KIF16B: variants seen among roughly 807,000 people sequenced by gnomAD.
KIF16B encodes the protein kinesin-like protein KIF16B.
Under a neutral mutation model 156.3 loss-of-function variants are expected in KIF16B, and 98 were observed. The observed-to-expected ratio is 0.63, with a 90% CI of 0.53 to 0.74. The LOEUF (loss-of-function observed/expected upper bound fraction) is 0.74, where lower values mean the gene tolerates loss of function less well. KIF16B is among the 30% of genes least tolerant of loss of function. The pLI is 0.00. For synonymous variants in KIF16B, 564 were observed against 583.7 expected (o/e 0.97, Z 0.49); for missense variants, 1,421 against 1,606.5 (o/e 0.88, Z 1.97).
At chr20:16,274,400 A>G (rs1402824752) in intron 25 of KIF16B, among the ~76,000 whole-genome samples, 1 of 152,244 alleles carries the variant, frequency 6.6e-6, no homozygotes, top group Non-Finnish European at 1.5e-5. Context: ...AACTGGGGAT[A>G]AAATCAGATG....
intron 18 of KIF16B, among the ~76,000 whole-genome samples, chr20:16,381,195 C>T (rs193259031): frequency 2.0e-5 from 3 of 152,224 alleles, no homozygotes; most frequent in East Asian, 1.9e-4. Context: ...TCTCCCTCCA[C>T]CCTGCCCCCC....
intron 12 of KIF16B, among the ~76,000 whole-genome samples, chr20:16,457,518 G>A (rs1048403913): frequency 3.9e-5 from 6 of 152,184 alleles, no homozygotes; most frequent in Admixed American, 6.5e-5. Context: ...AGGGGTGTGA[G>A]GCGGGTCCTG....
intron 12 of KIF16B, among the ~76,000 whole-genome samples, chr20:16,442,348 G>GTATA (rs60693181): frequency 3.5e-4 from 52 of 149,660 alleles, no homozygotes; most frequent in African/African-American, 1.1e-3. Context: ...GTGTGTGTGT[G>GTATA]TATATATATA....
intron 13 of KIF16B, among the ~76,000 whole-genome samples, chr20:16,429,394 G>A (rs1010014764): frequency 6.6e-6 from 1 of 152,138 alleles, no homozygotes; most frequent in African/African-American, 2.4e-5. Flanking sequence ...CAGAGAGAGG[G>A]CACTAAAGTC....
intron 25 of KIF16B, among the ~76,000 whole-genome samples, chr20:16,280,841 C>CGCGCGT (rs112026824): frequency 3.8e-4 from 28 of 74,464 alleles, no homozygotes; most frequent in African/African-American, 1.4e-3. Context: ...TGCGCGCGCA[C>CGCGCGT]GTGTGTGTGT....
At chr20:16,533,597 C>T (rs2069838509) in intron 1 of KIF16B, among the ~76,000 whole-genome samples, 1 of 152,084 alleles carries the variant, frequency 6.6e-6, no homozygotes, top group Admixed American at 6.5e-5. Flanking sequence ...AATGGATATA[C>T]CATAAGTCAG....
At chr20:16,285,106 T>A (rs2063204003) in intron 25 of KIF16B, among the ~76,000 whole-genome samples, 1 of 152,190 alleles carries the variant, frequency 6.6e-6, no homozygotes, top group South Asian at 2.1e-4. Context: ...ATTTTTAAAA[T>A]TTTACCTTGA....
intron 23 of KIF16B, among the ~76,000 whole-genome samples, chr20:16,352,171 C>G (rs534217073): frequency 6.6e-6 from 1 of 152,292 alleles, no homozygotes; most frequent in East Asian, 1.9e-4. Flanking sequence ...TGCAAAGTTC[C>G]AAGTCCTGAC....
chr20:16,289,666 C>A (rs1285287491), intron 25 of KIF16B, among the ~76,000 whole-genome samples: 6 of 152,022 alleles, frequency 3.9e-5, no homozygotes, highest in African/African-American at 1.5e-4. Context: ...ACGGTGAAAC[C>A]CCGTCTCTAC....
chr20:16,557,147 CTA>C lies in KIF16B; in HGVS notation c.47+16080_47+16081del, dbSNP rs748439541. On this transcript the variant is annotated intron_variant, in intron 1 of 25. Coordinates refer to ENST00000354981, the MANE Select transcript of KIF16B (RefSeq NM_024704.5). ...ATCATTAATACTATATATATTAATACTATATATATATACACACACACACACAT... is the reference window on the plus strand; with the variant it reads ...ATCATTAATACTATATATATTAATACTATATATATACACACACACACACAT... Among the ~76,000 whole-genome samples, 550 of 114,388 alleles carry C rather than the reference CTA, an allele frequency of 4.8e-3. 3 individuals carry two copies. The highest frequency in any genetic ancestry group is 0.02 in the African/African-American group (531 of 26,230). The allele number at this position is 114,388 out of a possible 152,430, so 75.0% of individuals were successfully genotyped here. A position where few individuals can be genotyped will look rare whatever the true frequency, so the allele number is the denominator to read the frequency against.
intron 22 of KIF16B, among the ~76,000 whole-genome samples, chr20:16,358,390 C>T (rs919354878): frequency 2.6e-5 from 4 of 152,182 alleles, no homozygotes; most frequent in African/African-American, 9.6e-5. Context: ...TATCCACAAG[C>T]ATAACATACT....
chr20:16,458,087 A>G (rs567893088), intron 12 of KIF16B, among the ~76,000 whole-genome samples: 1 of 152,244 alleles, frequency 6.6e-6, no homozygotes, highest in African/African-American at 2.4e-5. Context: ...TCAAAACGGT[A>G]TAGTTTTGCT....
At chr20:16,485,585 T>A (rs1359802285) in intron 12 of KIF16B, among the ~76,000 whole-genome samples, 1 of 152,158 alleles carries the variant, frequency 6.6e-6, no homozygotes, top group Non-Finnish European at 1.5e-5. Flanking sequence ...TATCATCCCC[T>A]CCCATCTCCA....
chr20:16,303,337 C>T (rs1367184366), intron 25 of KIF16B, among the ~76,000 whole-genome samples: 1 of 152,214 alleles, frequency 6.6e-6, no homozygotes, highest in Non-Finnish European at 1.5e-5. Context: ...TGTATATCAA[C>T]TGAGGACATA....
At chr20:16,415,176 T>G (rs977317552) in intron 15 of KIF16B, among the ~76,000 whole-genome samples, 1 of 152,092 alleles carries the variant, frequency 6.6e-6, no homozygotes, top group African/African-American at 2.4e-5. Context: ...TTCAAGACAG[T>G]GTATAGTCAC....
chr20:16,506,082 T>TTA lies in KIF16B; in HGVS notation c.806_807dup (p.Lys270Ter), dbSNP rs770227777. 1 of 1,614,128 alleles carries TTA rather than the reference T, an allele frequency of 6.2e-7. No individual in the cohort carries two copies. Among genetic ancestry groups the TTA allele is most frequent in the Admixed American group, 1.7e-5 (1 of 60,018 alleles). On this transcript the variant is annotated frameshift_variant, in exon 8 of 26. Coordinates refer to ENST00000354981, the MANE Select transcript of KIF16B (RefSeq NM_024704.5). LOFTEE classifies it high-confidence loss of function. Reference sequence around the variant, plus strand: ...GACTTGTTAATATTTCCCCCTTCCTTTAGCCTAACCCCGGTGGCTCCGGTG... The same window carrying TTA: ...GACTTGTTAATATTTCCCCCTTCCTTTATAGCCTAACCCCGGTGGCTCCGGTG...
intron 24 of KIF16B, among the ~76,000 whole-genome samples, chr20:16,331,326 C>T (rs1288812225): frequency 1.3e-5 from 2 of 152,142 alleles, no homozygotes; most frequent in Non-Finnish European, 2.9e-5. Flanking sequence ...AAAAGTATAT[C>T]CCCCAGGAGA....
intron 12 of KIF16B, among the ~76,000 whole-genome samples, chr20:16,441,898 A>G (rs2066810638): frequency 6.6e-6 from 1 of 152,196 alleles, no homozygotes; most frequent in African/African-American, 2.4e-5. Context: ...TTTTATCTAT[A>G]TCTGTCTCTG....
chr20:16,508,170 CTA>C, intron 6 of KIF16B, 70 bp from the exon 7 acceptor site: 1 of 1,540,734 alleles, frequency 6.5e-7, no homozygotes, highest in Non-Finnish European at 8.9e-7. Flanking sequence ...AAATTACCCT[CTA>C]TGAAATAATA....
Sources: gnomAD v4.1 joint callset for allele counts (sites outside exome capture counted in the v4.1 genomes callset) on GRCh38, gnomAD v4.1.1 for gene constraint, MANE v1.5 for transcripts, NCBI Gene and HGNC (gene_info 2026-07-23, HGNC 2026-07-21) for gene names.